The following RANBP2 variants were observed in gnomAD, a reference collection of about 807,000 sequenced individuals.
RANBP2 encodes the protein RAN binding protein 2.
RANBP2 carries 57 observed loss-of-function variants against 303.6 expected under a neutral mutation model. That is an observed-to-expected ratio of 0.19 (90% CI 0.15 to 0.23). RANBP2 has a LOEUF of 0.23. Among genes scored for constraint, RANBP2 ranks in the 10% least tolerant of loss-of-function variants. The pLI, the probability that RANBP2 is intolerant of heterozygous loss-of-function variation, is 1.00. For synonymous variants in RANBP2, 1,167 were observed against 1,301.5 expected, an observed-to-expected ratio of 0.90 and a Z score of 2.23; for missense variants, 3,138 against 3,780.8, an observed-to-expected ratio of 0.83 and a Z score of 4.46.
At chr2:109,601,937 T>C in the RANBP2 span, among the ~76,000 whole-genome samples, 9 of 152,148 alleles carry the variant, frequency 5.9e-5, no homozygotes, top group Non-Finnish European at 1.2e-4. Context: ...GTATATTCAG[T>C]CCGTCATATG....
the RANBP2 span, among the ~76,000 whole-genome samples, chr2:109,498,692 T>TG: frequency 6.6e-6 from 1 of 152,042 alleles, no homozygotes; most frequent in African/African-American, 2.4e-5. Context: ...CAGGGAACTG[T>TG]GGGGGGTCCT....
chr2:108,915,908 T>A, the RANBP2 span, among the ~76,000 whole-genome samples: 58 of 150,750 alleles, frequency 3.8e-4, no homozygotes, highest in African/African-American at 1.0e-3. Flanking sequence ...AAAAAAAAAA[T>A]AAAAAATAAA....
the RANBP2 span, among the ~76,000 whole-genome samples, chr2:109,167,651 A>C: frequency 6.6e-6 from 1 of 152,202 alleles, no homozygotes; most frequent in Non-Finnish European, 1.5e-5. Flanking sequence ...GGCTCACTGC[A>C]ACCTCAGCTT....
chr2:108,861,788 C>T, the RANBP2 span, among the ~76,000 whole-genome samples: 9 of 151,496 alleles, frequency 5.9e-5, no homozygotes, highest in Admixed American at 2.0e-4. Context: ...GCCTAAACCT[C>T]GGCCTCCCAA....
At chr2:109,347,636 G>A in the RANBP2 span, 3 of 1,600,762 alleles carry the variant, frequency 1.9e-6, no homozygotes. Flanking sequence ...ATTGGGAAGG[G>A]GCATGCCCGG....
the RANBP2 span, among the ~76,000 whole-genome samples, chr2:109,011,343 T>C: frequency 2.6e-5 from 4 of 152,240 alleles, no homozygotes; most frequent in Non-Finnish European, 5.9e-5. Flanking sequence ...TGGATGGGCA[T>C]AAAATTCTAG....
At chr2:108,783,333 TAAAAA>T (rs71381992) in intron 28 of RANBP2, among the ~76,000 whole-genome samples, 1 of 41,428 alleles carries the variant, frequency 2.4e-5, no homozygotes, top group East Asian at 6.0e-4. Context: ...AGCCTGTCAT[TAAAAA>T]AAAAAAAAAA....
chr2:109,514,201 C>T, the RANBP2 span, among the ~76,000 whole-genome samples: 13 of 152,322 alleles, frequency 8.5e-5, no homozygotes, highest in East Asian at 1.2e-3. Flanking sequence ...GCTTATGTAA[C>T]GCCCTGGAAA....
At chr2:109,513,859 A>C in the RANBP2 span, among the ~76,000 whole-genome samples, 2 of 152,110 alleles carry the variant, frequency 1.3e-5, no homozygotes, top group African/African-American at 4.8e-5. Context: ...CCACATTCTA[A>C]CTTCAGCATC....
the RANBP2 span, among the ~76,000 whole-genome samples, chr2:109,607,987 C>T: frequency 2.0e-5 from 3 of 152,222 alleles, no homozygotes; most frequent in Admixed American, 1.3e-4. Context: ...AGTTCAATGT[C>T]TGTTTCTGAA....
the RANBP2 span, among the ~76,000 whole-genome samples, chr2:109,142,385 A>G: frequency 1.2e-3 from 188 of 152,334 alleles, 1 homozygote; most frequent in Non-Finnish European, 3.1e-4. Context: ...TAGGACCCCA[A>G]AGCACCCTGT....
chr2:109,240,558 T>TC, the RANBP2 span, among the ~76,000 whole-genome samples: 2 of 151,988 alleles, frequency 1.3e-5, no homozygotes, highest in Non-Finnish European at 2.9e-5. Context: ...AGTAGCAGAG[T>TC]CCCCTGGTGT....
At chr2:109,699,959 C>A in the RANBP2 span, among the ~76,000 whole-genome samples, 13 of 152,220 alleles carry the variant, frequency 8.5e-5, no homozygotes, top group Non-Finnish European at 1.6e-4. Flanking sequence ...TGCTTCCTTG[C>A]ACTGCCTGTT....
At chr2:108,720,521 G>A (rs1457275925) in intron 1 of RANBP2, among the ~76,000 whole-genome samples, 6 of 152,178 alleles carry the variant, frequency 3.9e-5, no homozygotes, top group Admixed American at 2.0e-4. Flanking sequence ...AGTGACGGAA[G>A]AAGCTATTAA....
At chr2:109,592,058 C>A in the RANBP2 span, among the ~76,000 whole-genome samples, 5 of 152,116 alleles carry the variant, frequency 3.3e-5, no homozygotes, top group Admixed American at 6.5e-5. Context: ...CCCTTAGAAG[C>A]ATAAGGTGTA....
chr2:109,692,669 C>T, the RANBP2 span, among the ~76,000 whole-genome samples: 1 of 152,246 alleles, frequency 6.6e-6, no homozygotes, highest in East Asian at 1.9e-4. Context: ...TTCTCCTTTC[C>T]CTAAGTCAAT....
At chr2:108,988,509 C>T in the RANBP2 span, among the ~76,000 whole-genome samples, 1 of 152,150 alleles carries the variant, frequency 6.6e-6, no homozygotes, top group Admixed American at 6.6e-5. Flanking sequence ...GACTGGAAAC[C>T]CCACTTGGAA....
the RANBP2 span, among the ~76,000 whole-genome samples, chr2:108,933,075 G>A: frequency 1.3e-5 from 2 of 152,174 alleles, no homozygotes. Flanking sequence ...AAAATCCAAA[G>A]GAACTTCAGT....
At chr2:109,357,779 G>A in the RANBP2 span, among the ~76,000 whole-genome samples, 173 of 152,276 alleles carry the variant, frequency 1.1e-3, no homozygotes, top group South Asian at 6.8e-3. Context: ...TTTTAGAGCC[G>A]TTGTAAGTTC....
Sources: gnomAD v4.1 joint callset for allele counts (sites outside exome capture counted in the v4.1 genomes callset) on GRCh38, gnomAD v4.1.1 for gene constraint, MANE v1.5 for transcripts, NCBI Gene and HGNC (gene_info 2026-07-23, HGNC 2026-07-21) for gene names.